The following ELAVL2 variants were observed in gnomAD, a reference collection of about 807,000 sequenced individuals.
The protein encoded by ELAVL2 is ELAV like RNA binding protein 2.
A neutral mutation model predicts 34.6 loss-of-function variants in ELAVL2; 4 were observed. The observed-to-expected ratio is 0.12, with a 90% CI of 0.06 to 0.26. The LOEUF (loss-of-function observed/expected upper bound fraction) is 0.26, where lower values mean the gene tolerates loss of function less well. ELAVL2 is among the 10% of genes least tolerant of loss of function. ELAVL2 has a pLI of 1.00. For synonymous variants in ELAVL2, 193 were observed against 154.8 expected (o/e 1.25, Z -1.83); for missense variants, 432 against 442.8 (o/e 0.98, Z 0.22).
chr9:23,836,683 G>A, the ELAVL2 span, among the ~76,000 whole-genome samples: 2 of 152,032 alleles, frequency 1.3e-5, no homozygotes, highest in Non-Finnish European at 2.9e-5. Context: ...GTGTTTGTGT[G>A]GGTGTGGTTT....
Position 23,731,050 on chromosome 9 carries a change from C to A in ELAVL2, c.305G>T (p.Gly102Val), listed in dbSNP as rs2046399227. 2 of 1,612,830 alleles carry A rather than the reference C, an allele frequency of 1.2e-6. No homozygotes were observed. Among genetic ancestry groups the A allele is most frequent in the Non-Finnish European group, 8.5e-7 (1 of 1,179,360 alleles). The change falls in exon 3 of 7, where the codon GGA becomes GTA. Residue 102 changes from glycine to valine, a missense_variant. Gly to Val is a moderately radical substitution (Grantham distance 109). Around this residue, in one of 3 missense-constraint regions of ELAVL2, gnomAD observed 132 missense variants for 118.3 expected, o/e 1.12. Transcript: ENST00000397312. Reference protein sequence around the residue: ...DAEKAINTLNGLRLQTKTIKV... With the variant: ...DAEKAINTLNVLRLQTKTIKV... ...TATTGTTTTGGTTTGAAGTCTCAAT[C>A]CATTCAGGGTGTTGATAGCTTTCTC...
chr9:23,710,789 A>G (rs951753697), intron 3 of ELAVL2, among the ~76,000 whole-genome samples: 1 of 152,276 alleles, frequency 6.6e-6, no homozygotes, highest in South Asian at 2.1e-4. Flanking sequence ...TAACTCAATA[A>G]AAGTTAGCTC....
chr9:23,729,699 T>C lies in ELAVL2; in HGVS notation c.333+1323A>G, dbSNP rs62540057. 6.5e-3 allele frequency among the ~76,000 whole-genome samples: 986 copies of C among 152,210 alleles called. 13 individuals carry two copies. The highest frequency in any genetic ancestry group is 0.031 in the Middle Eastern group (9 of 294). ...CTTGGACCTCTCATACCCTAGTATA[T>C]TTGGGAACCACTATATACTTTCATT... is the stretch of plus-strand genomic sequence containing the variant. On this transcript the variant is annotated intron_variant, in intron 3 of 6. Transcript: ENST00000397312.
chr9:23,765,098 G>A (rs1309406834), intron 1 of ELAVL2: 15 of 1,596,562 alleles, frequency 9.4e-6, no homozygotes, highest in African/African-American at 1.4e-5. Context: ...TGGAGTTGCC[G>A]TCTGCAATAT....
intron 1 of ELAVL2, chr9:23,779,310 G>A (rs2058712811): frequency 1.4e-5 from 14 of 985,368 alleles, no homozygotes; most frequent in Non-Finnish European, 1.6e-5. Flanking sequence ...TGGCAAAGTG[G>A]GCAGACAGAG....
At chr9:23,805,441 A>G (rs1035123083) in intron 1 of ELAVL2, among the ~76,000 whole-genome samples, 1 of 152,218 alleles carries the variant, frequency 6.6e-6, no homozygotes, top group Non-Finnish European at 1.5e-5. Context: ...CAACATACCC[A>G]AGGTCTTCAA....
At chr9:23,733,172 T>TAAAAAAAAAAAAAAAAA (rs397953305) in intron 2 of ELAVL2, among the ~76,000 whole-genome samples, 1 of 104,594 alleles carries the variant, frequency 9.6e-6, no homozygotes, top group Non-Finnish European at 2.0e-5. Context: ...CTAGAAAGCT[T>TAAAAAAAAAAAAAAAAA]AAAAAAAAAA....
chr9:23,760,866 G>A (rs1264285763), intron 2 of ELAVL2, among the ~76,000 whole-genome samples: 1 of 152,038 alleles, frequency 6.6e-6, no homozygotes, highest in Non-Finnish European at 1.5e-5. Context: ...TCCAGGGGCT[G>A]GCTCTAGAAC....
intron 2 of ELAVL2, among the ~76,000 whole-genome samples, chr9:23,761,279 T>C (rs2054932762): frequency 6.6e-6 from 1 of 152,102 alleles, no homozygotes; most frequent in Non-Finnish European, 1.5e-5. Flanking sequence ...ACTTCATGTA[T>C]TTTTAGTGTT....
intron 3 of ELAVL2, among the ~76,000 whole-genome samples, chr9:23,716,173 G>A (rs1474039491): frequency 6.9e-6 from 1 of 145,600 alleles, no homozygotes; most frequent in Non-Finnish European, 1.5e-5. Context: ...TGTCGGGTTG[G>A]GGGAGGGGGG....
intron 1 of ELAVL2, chr9:23,821,591 C>T (rs2064743394): frequency 6.6e-6 from 1 of 152,444 alleles, no homozygotes. Flanking sequence ...CGCCCCCACG[C>T]CCCCAGCACT....
At chr9:23,824,080 T>G (rs2065127252) in intron 1 of ELAVL2, among the ~76,000 whole-genome samples, 1 of 152,174 alleles carries the variant, frequency 6.6e-6, no homozygotes, top group African/African-American at 2.4e-5. Context: ...TCCAGCAGTG[T>G]TAACAGTAAA....
chr9:23,720,909 G>A (rs1009772588), intron 3 of ELAVL2, among the ~76,000 whole-genome samples: 1 of 152,112 alleles, frequency 6.6e-6, no homozygotes, highest in East Asian at 1.9e-4. Flanking sequence ...GTAAGTCCTG[G>A]TTGGGGTGTA....
chr9:23,726,404 T>C (rs578020455), intron 3 of ELAVL2, among the ~76,000 whole-genome samples: 45 of 152,138 alleles, frequency 3.0e-4, no homozygotes, highest in Non-Finnish European at 5.9e-4. Flanking sequence ...AATATTTCTT[T>C]AATCAAGACC....
Position 23,762,224 on chromosome 9 carries a change from T to C in ELAVL2, c.11A>G (p.Gln4Arg), listed in dbSNP as rs778937550. The C allele has an allele frequency of 1.2e-6, 2 of 1,613,430 alleles. No individual in the cohort carries two copies. Among genetic ancestry groups the C allele is most frequent in the East Asian group, 2.2e-5 (1 of 44,864 alleles). Residue 4 changes from glutamine to arginine, a missense_variant, in exon 2 of 7, where the codon CAA (glutamine) becomes CGA (arginine). By Grantham distance (43) the Gln-to-Arg change is conservative (BLOSUM62 1). Transcript: ENST00000397312. Reference sequence around the variant, plus strand: ...ATTGCAAGTTGGCCCATTAGACAGTTGTGTTTCCATGGCAGCAATTACCTG... The same window carrying C: ...ATTGCAAGTTGGCCCATTAGACAGTCGTGTTTCCATGGCAGCAATTACCTG... MET[Q>R]LSNGPTCNNT...
At chr9:23,764,088 TG>T (rs1166078648) in intron 1 of ELAVL2, among the ~76,000 whole-genome samples, 2 of 152,154 alleles carry the variant, frequency 1.3e-5, no homozygotes, top group Admixed American at 1.3e-4. Context: ...ATATTAGCTG[TG>T]GGTCACTCTT....
chr9:23,708,070 T>C (rs1438132885), intron 3 of ELAVL2, among the ~76,000 whole-genome samples: 1 of 152,100 alleles, frequency 6.6e-6, no homozygotes, highest in Non-Finnish European at 1.5e-5. Flanking sequence ...CAATGTCCAC[T>C]CTTCAGTTTA....
At chr9:23,708,446 C>G (rs1313172476) in intron 3 of ELAVL2, among the ~76,000 whole-genome samples, 1 of 152,156 alleles carries the variant, frequency 6.6e-6, no homozygotes, top group Non-Finnish European at 1.5e-5. Context: ...TGGGTTCAAA[C>G]TCTGATCTTT....
the ELAVL2 span, chr9:23,832,377 A>T: frequency 9.2e-5 from 14 of 152,228 alleles, no homozygotes; most frequent in South Asian, 1.5e-3. Flanking sequence ...TCTAACACAT[A>T]CCTGATTCTT....
Sources: gnomAD v4.1 joint callset for allele counts (sites outside exome capture counted in the v4.1 genomes callset) on GRCh38, gnomAD v4.1.1 for gene constraint, gnomAD v4.1.1 regional missense constraint, MANE v1.5 for transcripts, NCBI Gene and HGNC (gene_info 2026-07-23, HGNC 2026-07-21) for gene names.